TPH2: variants seen among roughly 807,000 people sequenced by gnomAD.
The protein encoded by TPH2 is tryptophan hydroxylase 2.
In TPH2, 27 loss-of-function variants were observed where a neutral mutation model predicts 59.1. The observed-to-expected ratio is 0.46, with a 90% CI of 0.34 to 0.63. The LOEUF (loss-of-function observed/expected upper bound fraction) is 0.63. TPH2 is among the 30% of genes least tolerant of loss of function. The pLI is 0.01. For synonymous variants in TPH2, 220 were observed against 210.5 expected (o/e 1.05, Z -0.39); for missense variants, 523 against 588.3 (o/e 0.89, Z 1.15).
intron 5 of TPH2, among the ~76,000 whole-genome samples, chr12:71,950,149 A>G (rs1405928034): frequency 3.9e-5 from 6 of 152,216 alleles, no homozygotes; most frequent in Non-Finnish European, 8.8e-5. Flanking sequence ...TTTCACACCC[A>G]TTCCCAGATC....
At chr12:71,999,349 A>T (rs7979770) in intron 8 of TPH2, among the ~76,000 whole-genome samples, 77,035 of 152,082 alleles carry the variant, frequency 0.51, 19,963 homozygotes, top group Middle Eastern at 0.57. Flanking sequence ...CTTAGAAAAC[A>T]TATTTCAAAT....
At chr12:71,941,912 A>C (rs563847162) in intron 2 of TPH2, among the ~76,000 whole-genome samples, 179 bp downstream of exon 2, 1 of 152,326 alleles carries the variant, frequency 6.6e-6, no homozygotes, top group African/African-American at 2.4e-5. Context: ...AAATAAGCAG[A>C]ATTGCCTAAG....
At chr12:72,025,611 T>C (rs1436282467) in intron 9 of TPH2, among the ~76,000 whole-genome samples, 1 of 152,184 alleles carries the variant, frequency 6.6e-6, no homozygotes, top group East Asian at 1.9e-4. Flanking sequence ...CACTACTTTT[T>C]CCCCCACAGC....
intron 2 of TPH2, 51 bp from the exon 3 acceptor site, chr12:71,944,242 CA>C: frequency 6.3e-7 from 1 of 1,590,580 alleles, no homozygotes; most frequent in African/African-American, 1.3e-5. Flanking sequence ...AAGCTCATGG[CA>C]TTCCTTTTAT....
At chr12:71,958,226 G>A (rs1349025596) in intron 5 of TPH2, among the ~76,000 whole-genome samples, 2 of 152,160 alleles carry the variant, frequency 1.3e-5, no homozygotes, top group African/African-American at 4.8e-5. Context: ...TAGTACTAGG[G>A]TCATTTCCTG....
chr12:72,031,625 A>G lies in TPH2; in HGVS notation c.1403A>G (p.Gln468Arg), dbSNP rs1317926854. The G allele has an allele frequency of 6.2e-7, 1 of 1,613,690 alleles. No individual in the cohort carries two copies. The highest frequency in any genetic ancestry group is 8.5e-7 in the Non-Finnish European group (1 of 1,179,624). ...KDTRSIENVV[Q>R]DLRSDLNTVC... ...ACCAGAAGTATTGAAAATGTGGTGC[A>G]GGACCTTCGCAGCGACTTGAATACA... Residue 468 changes from glutamine to arginine, a missense_variant, in exon 11 of 11, where the codon CAG (glutamine) becomes CGG (arginine). Gln to Arg is a conservative substitution (Grantham distance 43). Coordinates refer to ENST00000333850, the MANE Select transcript of TPH2 (RefSeq NM_173353.4).
chr12:71,958,383 T>C, intron 5 of TPH2, among the ~76,000 whole-genome samples: 1 of 152,168 alleles, frequency 6.6e-6, no homozygotes, highest in East Asian at 1.9e-4. Context: ...ACATAGGTGG[T>C]TTCATACACA....
At chr12:72,008,360 A>G (rs1873010209) in intron 8 of TPH2, among the ~76,000 whole-genome samples, 1 of 152,226 alleles carries the variant, frequency 6.6e-6, no homozygotes, top group Admixed American at 6.5e-5. Flanking sequence ...TTGCCTAATC[A>G]GAATGTAATT....
chr12:72,030,966 C>T (rs555947788), intron 9 of TPH2, among the ~76,000 whole-genome samples: 1 of 152,232 alleles, frequency 6.6e-6, no homozygotes, highest in East Asian at 1.9e-4. Flanking sequence ...GGGAATAGCT[C>T]TGAACTGTCC....
At chr12:71,977,773 A>G (rs1872162225) in intron 6 of TPH2, among the ~76,000 whole-genome samples, 1 of 152,238 alleles carries the variant, frequency 6.6e-6, no homozygotes, top group Non-Finnish European at 1.5e-5. Context: ...GTATGTGTGT[A>G]TCAAAACATA....
Position 72,031,618 on chromosome 12 carries a change from G to C in TPH2, c.1396G>C (p.Val466Leu). ...ILKDTRSIEN[V>L]VQDLRSDLNT... ...GAAAGACACCAGAAGTATTGAAAAT[G>C]TGGTGCAGGACCTTCGCAGCGACTT... The change falls in exon 11 of 11, where the codon GTG becomes CTG. Residue 466 changes from valine (V) to leucine (L), a missense_variant. Coordinates refer to ENST00000333850, the MANE Select transcript of TPH2 (RefSeq NM_173353.4). 1.2e-6 allele frequency: 2 copies of C among 1,613,670 alleles called. No individual in the cohort carries two copies.
At chr12:71,959,407 T>C (rs890974788) in intron 5 of TPH2, among the ~76,000 whole-genome samples, 4 of 152,216 alleles carry the variant, frequency 2.6e-5, no homozygotes, top group African/African-American at 7.2e-5. Flanking sequence ...TAGTGCTCAG[T>C]ACTGTGCGCA....
At chr12:71,953,168 T>TTC (rs1254584454) in intron 5 of TPH2, among the ~76,000 whole-genome samples, 2 of 152,034 alleles carry the variant, frequency 1.3e-5, no homozygotes, top group African/African-American at 4.8e-5. Flanking sequence ...CCTGCTTTTT[T>TTC]TTTTTTGCAC....
intron 8 of TPH2, among the ~76,000 whole-genome samples, chr12:72,015,569 T>C (rs1592412461): frequency 1.3e-5 from 2 of 152,268 alleles, no homozygotes; most frequent in Middle Eastern, 6.8e-3. Context: ...TCCACCCGCG[T>C]CGGTCTCCCA....
intron 5 of TPH2, among the ~76,000 whole-genome samples, chr12:71,965,900 A>G (rs113669019): frequency 0.035 from 5,294 of 152,208 alleles, 126 homozygotes; most frequent in Non-Finnish European, 0.055. Flanking sequence ...CCCATATCCA[A>G]GAGGGTACTG....
intron 5 of TPH2, among the ~76,000 whole-genome samples, chr12:71,952,921 C>A (rs1294746394): frequency 6.6e-6 from 1 of 152,194 alleles, no homozygotes; most frequent in East Asian, 1.9e-4. Flanking sequence ...CTCCCCAGAC[C>A]ATTTCCACAG....
At chr12:71,991,379 A>T (rs1182353747) in intron 7 of TPH2, among the ~76,000 whole-genome samples, 2 of 152,204 alleles carry the variant, frequency 1.3e-5, no homozygotes, top group Non-Finnish European at 2.9e-5. Context: ...TTCTTACATT[A>T]TGAAGCATTT....
chr12:71,971,575 A>G (rs1397901946), intron 5 of TPH2, among the ~76,000 whole-genome samples: 2 of 152,170 alleles, frequency 1.3e-5, no homozygotes, highest in African/African-American at 4.8e-5. Flanking sequence ...CTGCTATTAT[A>G]TTAGAGCACC....
intron 5 of TPH2, among the ~76,000 whole-genome samples, chr12:71,950,269 C>T (rs1243821646): frequency 1.3e-5 from 2 of 152,280 alleles, no homozygotes; most frequent in East Asian, 3.9e-4. Context: ...GACCACCAAA[C>T]AGGCTTTGTG....
Sources: allele counts gnomAD v4.1 joint callset (sites outside exome capture counted in the v4.1 genomes callset), GRCh38; gene constraint gnomAD v4.1.1; transcripts MANE v1.5; gene names NCBI Gene and HGNC (gene_info 2026-07-23, HGNC 2026-07-21).